The following CGRRF1 variants were observed in gnomAD, a reference collection of about 807,000 sequenced individuals.
CGRRF1 encodes the protein cell growth regulator with ring finger domain 1, also known as cell growth regulator with RING finger domain protein 1.
CGRRF1 carries 32 observed loss-of-function variants against 37.2 expected under a neutral mutation model. The ratio of observed to expected loss-of-function variants is 0.86; its 90% CI spans 0.65 to 1.16. CGRRF1 has a LOEUF of 1.16. Among genes scored for constraint, CGRRF1 ranks in the 50% most tolerant of loss-of-function variants. The probability of loss-of-function intolerance (pLI) is 0.00; values close to 1 mark genes in which losing one functional copy is unlikely to be tolerated. For synonymous variants in CGRRF1, 141 were observed against 140.3 expected (o/e 1.00, Z -0.04); for missense variants, 391 against 382.6 (o/e 1.02, Z -0.18).
Position 54,522,444 on chromosome 14 carries a change from CT to C in CGRRF1, c.105-3del. 1.6e-5 allele frequency: 24 copies of C among 1,512,914 alleles called. No homozygotes were observed. The highest frequency in any genetic ancestry group is 4.9e-5 in the Admixed American group (2 of 40,970). 93.7% of individuals were successfully genotyped at this position (1,512,914 alleles called of 1,614,324 possible). On this transcript the variant is annotated splice_polypyrimidine_tract_variant and intron_variant, in intron 1 of 5. Transcript: ENST00000216420. ...GTTAAAATAATATTTTATTTTTTACCTTTTTTTAGGTTTGGTTGGGATGTTC... is the reference window on the plus strand; with the variant it reads ...GTTAAAATAATATTTTATTTTTTACCTTTTTTAGGTTTGGTTGGGATGTTC...
intron 1 of CGRRF1, among the ~76,000 whole-genome samples, chr14:54,521,956 G>C (rs1201146782): frequency 2.0e-5 from 3 of 152,154 alleles, no homozygotes; most frequent in Non-Finnish European, 4.4e-5. Context: ...AGAACTCTTT[G>C]TTTTCAAGAA....
intron 1 of CGRRF1, among the ~76,000 whole-genome samples, chr14:54,517,966 A>G (rs948321079): frequency 6.6e-6 from 1 of 152,176 alleles, no homozygotes; most frequent in Non-Finnish European, 1.5e-5. Flanking sequence ...GTTCCTTTTT[A>G]TGGCTGCATA....
At chr14:54,517,091 A>T (rs2140055596) in intron 1 of CGRRF1, among the ~76,000 whole-genome samples, 1 of 152,238 alleles carries the variant, frequency 6.6e-6, no homozygotes, top group Admixed American at 6.5e-5. Flanking sequence ...CCTAGGAGCT[A>T]TTTTTATATC....
chr14:54,513,793 CG>C (rs1054427733), intron 1 of CGRRF1, among the ~76,000 whole-genome samples: 6 of 151,994 alleles, frequency 3.9e-5, no homozygotes, highest in Non-Finnish European at 8.8e-5. Context: ...TGGCAAAACT[CG>C]GTCTCTACAA....
intron 2 of CGRRF1, among the ~76,000 whole-genome samples, chr14:54,529,539 ATGT>A (rs2032471804): frequency 6.6e-6 from 1 of 152,214 alleles, no homozygotes; most frequent in Admixed American, 6.5e-5. Context: ...CTGTATGTTA[ATGT>A]TGTCAATGTA....
Position 54,522,589 on chromosome 14 carries a change from T to C in CGRRF1, c.240T>C (p.Ile80=). ...TCACTAATCCATCTTCAGCTTCAAT[T>C]ACAAGTTGGTGGCTGTTTTCCAAAG... ...LEITNPSSAS[I]TTGITLTTDC... is the part of the protein sequence containing the mutation. Residue 80 remains isoleucine, a synonymous_variant, in exon 2 of 6, where the codon ATT becomes ATC. Coordinates refer to ENST00000216420, the MANE Select transcript of CGRRF1 (RefSeq NM_006568.3). 6.3e-7 allele frequency: 1 copy of C among 1,581,790 alleles called. No individual in the cohort carries two copies. The highest frequency in any genetic ancestry group is 8.5e-7 in the Non-Finnish European group (1 of 1,170,694).
At chr14:54,529,365 T>C (rs552840806) in intron 2 of CGRRF1, among the ~76,000 whole-genome samples, 1 of 152,370 alleles carries the variant, frequency 6.6e-6, no homozygotes, top group Non-Finnish European at 1.5e-5. Context: ...ACTTACAATT[T>C]GTATATCCAT....
intron 1 of CGRRF1, among the ~76,000 whole-genome samples, chr14:54,512,010 A>T (rs1311880608): frequency 6.6e-6 from 1 of 152,204 alleles, no homozygotes; most frequent in East Asian, 1.9e-4. Flanking sequence ...GTATTTATTG[A>T]CTAGAAATGA....
At chr14:54,525,428 C>G (rs2032395966) in intron 2 of CGRRF1, among the ~76,000 whole-genome samples, 1 of 152,164 alleles carries the variant, frequency 6.6e-6, no homozygotes, top group South Asian at 2.1e-4. Context: ...AGTTGCTAAC[C>G]AACAGTAGTA....
rs2032629689 is a variant in CGRRF1, at chr14:54,538,138, A to G, written c.754A>G (p.Ser252Gly). 1.2e-6 allele frequency: 2 copies of G among 1,614,004 alleles called. No homozygotes were observed. Among genetic ancestry groups the G allele is most frequent in the Non-Finnish European group, 1.7e-6 (2 of 1,179,994 alleles). The change falls in exon 6 of 6, where the codon AGT (serine) becomes GGT (glycine). Residue 252 changes from serine to glycine, a missense_variant. Coordinates refer to ENST00000216420, the MANE Select transcript of CGRRF1 (RefSeq NM_006568.3). ...TTCAGAAGAAAAAAACACAGACAGA[A>G]GTTTGTTGGAAAAGGTGGGACTCTC... ...SSSEEKNTDR[S>G]LLEKVGLSES...
In CGRRF1 at chr14:54,521,613, T is replaced by C. The variant is rs181251985; in HGVS notation, c.105-841T>C. On this transcript the variant is annotated intron_variant, in intron 1 of 5. Coordinates refer to ENST00000216420, the MANE Select transcript of CGRRF1 (RefSeq NM_006568.3). ...TCTGCCTTCCGGGTTCAAGCCAGTC[T>C]CCTGCCTCAGCTTCCCAAGTAGCTG... Among the ~76,000 whole-genome samples, 923 of 151,918 alleles carry C rather than the reference T, an allele frequency of 6.1e-3. 6 individuals are homozygous for C. Among genetic ancestry groups the C allele is most frequent in the Admixed American group, 0.011 (165 of 15,282 alleles).
chr14:54,531,597 T>C (rs928017719), intron 4 of CGRRF1, among the ~76,000 whole-genome samples: 6 of 152,160 alleles, frequency 3.9e-5, no homozygotes, highest in African/African-American at 7.2e-5. Flanking sequence ...ATCCACTCTT[T>C]TTTTGCCTGC....
At chr14:54,526,451 T>C (rs2032413576) in intron 2 of CGRRF1, among the ~76,000 whole-genome samples, 1 of 151,872 alleles carries the variant, frequency 6.6e-6, no homozygotes, top group Non-Finnish European at 1.5e-5. Flanking sequence ...GCCCTGGCCA[T>C]ATTTTAAAAT....
At chr14:54,527,693 G>C (rs968892092) in intron 2 of CGRRF1, among the ~76,000 whole-genome samples, 1 of 150,820 alleles carries the variant, frequency 6.6e-6, no homozygotes, top group Non-Finnish European at 1.5e-5. Context: ...AAATAAACAG[G>C]GTAGTTTTAT....
chr14:54,538,572 C>G lies in CGRRF1; in HGVS notation c.*189C>G. The G allele has an allele frequency of 2.3e-6, 1 of 442,306 alleles. No homozygotes were observed. The highest frequency in any genetic ancestry group is 4.9e-5 in the South Asian group (1 of 20,564). The allele number at this position is 442,306 out of a possible 1,614,324, so 27.4% of individuals were successfully genotyped here. A position where few individuals can be genotyped will look rare whatever the true frequency, so the allele number is the denominator to read the frequency against. On this transcript the variant is annotated 3_prime_UTR_variant, in exon 6 of 6. Transcript: ENST00000216420. ...CTGCTTAGTGAATGAATACTGGAAT[C>G]CATCTGTGTTGATACATAAAAATTC...
intron 1 of CGRRF1, among the ~76,000 whole-genome samples, chr14:54,511,046 A>G (rs1426922847): frequency 1.3e-5 from 2 of 152,232 alleles, no homozygotes; most frequent in African/African-American, 4.8e-5. Context: ...TAGGGAAGAA[A>G]AAGCATCTCA....
At chr14:54,513,746 G>C (rs543511316) in intron 1 of CGRRF1, among the ~76,000 whole-genome samples, 2 of 152,092 alleles carry the variant, frequency 1.3e-5, no homozygotes, top group South Asian at 2.1e-4. Context: ...CAGGAAGACT[G>C]TTTGAGCCCA....
intron 1 of CGRRF1, among the ~76,000 whole-genome samples, chr14:54,517,681 T>C (rs942379529): frequency 2.6e-5 from 4 of 152,138 alleles, no homozygotes; most frequent in African/African-American, 9.7e-5. Context: ...GTTACATAGG[T>C]AAATGTGTGC....
At chr14:54,537,613 T>C in intron 4 of CGRRF1, 109 bp from the exon 5 acceptor site, 1 of 1,156,796 alleles carries the variant, frequency 8.6e-7, no homozygotes, top group South Asian at 3.6e-5. Context: ...CATTTTTCTT[T>C]TTTTTTGGCA....
Sources: gnomAD v4.1 joint callset for allele counts (sites outside exome capture counted in the v4.1 genomes callset) on GRCh38, gnomAD v4.1.1 for gene constraint, MANE v1.5 for transcripts, NCBI Gene and HGNC (gene_info 2026-07-23, HGNC 2026-07-21) for gene names.